CCDC73: variants seen among roughly 807,000 people sequenced by gnomAD.
The protein encoded by CCDC73 is coiled-coil domain-containing protein 73.
CCDC73 carries 95 observed loss-of-function variants against 116.5 expected under a neutral mutation model. The ratio of observed to expected loss-of-function variants is 0.82; its 90% CI spans 0.69 to 0.97. CCDC73 has a LOEUF of 0.97. CCDC73 is among the 50% of genes least tolerant of loss of function. The pLI, the probability that CCDC73 is intolerant of heterozygous loss-of-function variation, is 0.00. For synonymous variants in CCDC73, 398 were observed against 401.3 expected (o/e 0.99, Z 0.10); for missense variants, 1,066 against 1,206.8 (o/e 0.88, Z 1.73).
intron 3 of CCDC73, among the ~76,000 whole-genome samples, chr11:32,707,620 A>G (rs2133321791): frequency 6.6e-6 from 1 of 152,268 alleles, no homozygotes; most frequent in African/African-American, 2.4e-5. Context: ...GAGTTGTAAG[A>G]CTGATTCCAT....
chr11:32,723,624 C>T (rs1361865700), intron 2 of CCDC73, among the ~76,000 whole-genome samples: 1 of 152,152 alleles, frequency 6.6e-6, no homozygotes, highest in African/African-American at 2.4e-5. Flanking sequence ...CATAGCCCAT[C>T]TTGTAAAACT....
At chr11:32,717,559 T>C (rs562216568) in intron 3 of CCDC73, among the ~76,000 whole-genome samples, 1 of 152,212 alleles carries the variant, frequency 6.6e-6, no homozygotes, top group Non-Finnish European at 1.5e-5. Context: ...ACAGTTTTAG[T>C]TGGGATTTTC....
intron 2 of CCDC73, among the ~76,000 whole-genome samples, chr11:32,736,702 A>G (rs1250969606): frequency 6.6e-6 from 1 of 151,972 alleles, no homozygotes; most frequent in Non-Finnish European, 1.5e-5. Flanking sequence ...CTGTAAAGAC[A>G]CATGCACACG....
the CCDC73 span, among the ~76,000 whole-genome samples, chr11:32,820,771 GACAAAACAAA>G: frequency 6.6e-5 from 10 of 151,908 alleles, no homozygotes; most frequent in African/African-American, 2.4e-4. Flanking sequence ...CAATCTAACT[GACAAAACAAA>G]ACAAAACAAA....
At chr11:32,700,236 C>T (rs187641039) in intron 5 of CCDC73, among the ~76,000 whole-genome samples, 2 of 151,406 alleles carry the variant, frequency 1.3e-5, no homozygotes, top group African/African-American at 2.4e-5. Flanking sequence ...AAAAATAAAC[C>T]ATAAGTGATT....
chr11:32,663,081 G>C (rs1172020431), intron 9 of CCDC73, among the ~76,000 whole-genome samples: 3 of 152,086 alleles, frequency 2.0e-5, no homozygotes, highest in Non-Finnish European at 4.4e-5. Context: ...TGCTGTTTTG[G>C]TTACTGTAGC....
chr11:32,807,715 T>C, the CCDC73 span, among the ~76,000 whole-genome samples: 1 of 152,124 alleles, frequency 6.6e-6, no homozygotes, highest in Non-Finnish European at 1.5e-5. Flanking sequence ...ACCCCTGCCA[T>C]ACATCCTCTG....
At chr11:32,700,751 C>A in intron 5 of CCDC73, 40 bp downstream of exon 5, 1 of 999,432 alleles carries the variant, frequency 1.0e-6, no homozygotes, top group Non-Finnish European at 1.5e-6. Flanking sequence ...AAAGTAAATA[C>A]TTTTTAATAG....
At chr11:32,670,188 C>A (rs746602167) in intron 9 of CCDC73, among the ~76,000 whole-genome samples, 6 of 152,134 alleles carry the variant, frequency 3.9e-5, no homozygotes, top group Admixed American at 2.0e-4. Flanking sequence ...AAGCAATATA[C>A]CCCTGGATGA....
At chr11:32,758,069 A>G (rs566061827) in intron 2 of CCDC73, among the ~76,000 whole-genome samples, 2 of 152,344 alleles carry the variant, frequency 1.3e-5, no homozygotes, top group East Asian at 1.9e-4. Context: ...CTAGGAATAC[A>G]GGTCAAGTAC....
chr11:32,612,565 C>G lies in CCDC73; in HGVS notation c.2896+857G>C, dbSNP rs116530387. 7.1e-3 allele frequency among the ~76,000 whole-genome samples: 1,080 copies of G among 151,790 alleles called. 17 individuals are homozygous for G. Among genetic ancestry groups the G allele is most frequent in the African/African-American group, 0.025 (1,041 of 41,372 alleles). ...ACCAGCCTCGGCAACAAAGTGAGAC[C>G]TGTCTCTACAAAAAATTTTAAAACT... On this transcript the variant is annotated intron_variant, in intron 16 of 17. Transcript: ENST00000335185.
chr11:32,734,267 C>T (rs529392345), intron 2 of CCDC73, among the ~76,000 whole-genome samples: 5 of 152,028 alleles, frequency 3.3e-5, no homozygotes, highest in East Asian at 3.9e-4. Context: ...TCTGAAATTG[C>T]GGTAATAATT....
chr11:32,675,640 C>T lies in CCDC73; in HGVS notation c.570G>A (p.Arg190=), dbSNP rs1479523025. The T allele has an allele frequency of 6.3e-7, 1 of 1,584,552 alleles. No homozygotes were observed. The highest frequency in any genetic ancestry group is 8.5e-7 in the Non-Finnish European group (1 of 1,170,174). ...GTCTTTTGTTTGATTGTATTGCTTC[C>T]CGTACTGCAACATGAAAGACATTTA... is the stretch of plus-strand genomic sequence containing the variant. ...ENHEKLEQNV[R]EAIQSNKRLS... The change falls in exon 9 of 18, where the codon CGG becomes CGA. Residue 190 remains arginine, a synonymous_variant. Transcript: ENST00000335185.
At chr11:32,676,128 A>G in intron 7 of CCDC73, 107 bp from the exon 8 acceptor site, 2 of 819,078 alleles carry the variant, frequency 2.4e-6, no homozygotes, top group Non-Finnish European at 3.5e-6. Context: ...TTAGTAATAT[A>G]ACATAAATAA....
intron 1 of CCDC73, among the ~76,000 whole-genome samples, chr11:32,770,080 T>C (rs923859996): frequency 3.3e-5 from 5 of 152,184 alleles, no homozygotes; most frequent in African/African-American, 1.2e-4. Flanking sequence ...GGCTGGGTTG[T>C]TTGTCTGCTG....
chr11:32,713,712 A>G (rs1410202421), intron 3 of CCDC73, among the ~76,000 whole-genome samples: 5 of 152,082 alleles, frequency 3.3e-5, no homozygotes, highest in East Asian at 1.9e-4. Context: ...GAGGACCTCA[A>G]TGGAACTTTG....
chr11:32,711,348 T>C (rs575825093), intron 3 of CCDC73, among the ~76,000 whole-genome samples: 2 of 152,342 alleles, frequency 1.3e-5, no homozygotes, highest in East Asian at 3.9e-4. Context: ...CATCCATGTT[T>C]ATAGCAGCAC....
In CCDC73 at chr11:32,758,698, A is replaced by T. The variant is rs535914250; in HGVS notation, c.135+1411T>A. On this transcript the variant is annotated intron_variant, in intron 2 of 17. Coordinates refer to ENST00000335185, the MANE Select transcript of CCDC73 (RefSeq NM_001008391.4). Reference sequence around the variant, plus strand: ...ATCTGAAATTTTTCAGAAAATTTTTAAAGGAAGCATATTTTTTAAGTTGGA... The same window carrying T: ...ATCTGAAATTTTTCAGAAAATTTTTTAAGGAAGCATATTTTTTAAGTTGGA... The T allele has an allele frequency of 3.9e-5, 9 of 228,438 alleles. 1 individual carries two copies. In the South Asian group the frequency reaches 5.8e-4, roughly 15 times the overall value. 14.2% of individuals were successfully genotyped at this position (228,438 alleles called of 1,614,324 possible).
chr11:32,672,187 CA>C (rs1856045732), intron 9 of CCDC73, among the ~76,000 whole-genome samples: 1 of 152,004 alleles, frequency 6.6e-6, no homozygotes, highest in African/African-American at 2.4e-5. Context: ...ACTAAAAATA[CA>C]AAAATTAGCT....
Sources: gnomAD v4.1 joint callset for allele counts (sites outside exome capture counted in the v4.1 genomes callset) on GRCh38, gnomAD v4.1.1 for gene constraint, MANE v1.5 for transcripts, NCBI Gene and HGNC (gene_info 2026-07-23, HGNC 2026-07-21) for gene names.